The following EYS variants were observed in gnomAD, a reference collection of about 807,000 sequenced individuals.
The protein encoded by EYS is EGF-like photoreceptor maintenance factor, also known as protein eyes shut homolog.
In EYS, 250 loss-of-function variants were observed where a neutral mutation model predicts 282.1. The ratio of observed to expected loss-of-function variants is 0.89; its 90% CI spans 0.80 to 0.98. The LOEUF is 0.98. EYS is among the 50% of genes least tolerant of loss of function. The pLI is 0.00. For missense variants in EYS, 4,016 were observed against 3,709.0 expected, an observed-to-expected ratio of 1.08 and a Z score of -2.15; for synonymous variants, 1,355 against 1,282.9, an observed-to-expected ratio of 1.06 and a Z score of -1.20.
chr6:63,902,883 G>C (rs1016025775), intron 35 of EYS, among the ~76,000 whole-genome samples: 1 of 152,158 alleles, frequency 6.6e-6, no homozygotes, highest in Non-Finnish European at 1.5e-5. Context: ...ATGGAGGTTT[G>C]TTGGAAGTTC....
At chr6:63,920,979 G>T (rs1368216459) in intron 35 of EYS, among the ~76,000 whole-genome samples, 1 of 151,638 alleles carries the variant, frequency 6.6e-6, no homozygotes, top group Non-Finnish European at 1.5e-5. Flanking sequence ...TGCAAGTTCC[G>T]CCTCCCGGGT....
chr6:64,936,217 C>A (rs1768900817), intron 15 of EYS, among the ~76,000 whole-genome samples: 1 of 151,372 alleles, frequency 6.6e-6, no homozygotes, highest in African/African-American at 2.4e-5. Context: ...TCATTGACAG[C>A]ATTTGAAAAC....
At chr6:64,587,709 A>G (rs1200447295) in intron 26 of EYS, among the ~76,000 whole-genome samples, 3 of 152,012 alleles carry the variant, frequency 2.0e-5, no homozygotes, top group African/African-American at 4.8e-5. Context: ...CTGGAACCCA[A>G]TCTTTCATGG....
intron 15 of EYS, among the ~76,000 whole-genome samples, chr6:64,918,747 C>T (rs1768241652): frequency 6.6e-6 from 1 of 152,152 alleles, no homozygotes; most frequent in Admixed American, 6.5e-5. Flanking sequence ...ATGATGCCAT[C>T]AGGTAGGAGA....
chr6:64,035,779 G>A (rs540877574), intron 33 of EYS, among the ~76,000 whole-genome samples: 1 of 152,130 alleles, frequency 6.6e-6, no homozygotes, highest in Admixed American at 6.5e-5. Context: ...TCACTGCAGT[G>A]CTTTAAAAAT....
rs73768232 is a variant in EYS, at chr6:64,716,257, T to A, written c.3444-90012A>T. ...AAAGCAGTCAAGTCATGGTAGCCGC[T>A]CCATCCATCCATATATTCAGCACAA... On this transcript the variant is annotated intron_variant, in intron 22 of 42. Coordinates refer to ENST00000503581, the MANE Select transcript of EYS (RefSeq NM_001142800.2). 9.5e-3 allele frequency among the ~76,000 whole-genome samples: 1,446 copies of A among 152,304 alleles called. 18 individuals are homozygous for A. Among genetic ancestry groups the A allele is most frequent in the African/African-American group, 0.033 (1,368 of 41,566 alleles).
rs1768188407 is a variant in EYS, at chr6:65,542,094, A to G, written c.-332-46101T>C. ...TGACTGCACACTTTGCAAATATTTAACTTCATTTATTCTAAATATACAGAT... is the reference window on the plus strand; with the variant it reads ...TGACTGCACACTTTGCAAATATTTAGCTTCATTTATTCTAAATATACAGAT... On this transcript the variant is annotated intron_variant, in intron 2 of 42. Coordinates refer to ENST00000503581, the MANE Select transcript of EYS (RefSeq NM_001142800.2). Among the ~76,000 whole-genome samples, 3 of 152,166 alleles carry G rather than the reference A, an allele frequency of 2.0e-5. No homozygotes were observed. The South Asian group carries it at 6.2e-4, about 32-fold the overall frequency.
chr6:65,371,025 A>G lies in EYS; in HGVS notation c.1299+13361T>C, dbSNP rs139611365. Among the ~76,000 whole-genome samples the G allele has an allele frequency of 4.5e-3, 687 of 151,864 alleles. 7 individuals are homozygous for G. Among genetic ancestry groups the G allele is most frequent in the South Asian group, 0.01 (50 of 4,820 alleles). On this transcript the variant is annotated intron_variant, in intron 8 of 42. Coordinates refer to ENST00000503581, the MANE Select transcript of EYS (RefSeq NM_001142800.2). ...GAAAAAAAAAACACAGAAAGTGGAG[A>G]TGACACATATGGGCTGGATGAGAGT...
At position 65,384,415 on chromosome 6, in the gene EYS, A is replaced by G; in HGVS notation, c.1270T>C (p.Trp424Arg). ...AATCTTCCAATTATATTGAAACACC[A>G]TTCTTCATTCAGACAGTTGATGCTG... ...LLSINCLNEE[W>R]CFNIIGRFKY... The change falls in exon 8 of 43, where the codon TGG (tryptophan) becomes CGG (arginine). Residue 424 changes from tryptophan (W) to arginine (R), a missense_variant. Physicochemically the swap from Trp to Arg is moderately radical, Grantham distance 101 (BLOSUM62 -3). Transcript: ENST00000503581. 1 of 1,607,368 alleles carries G rather than the reference A, an allele frequency of 6.2e-7. No homozygotes were observed. The highest frequency in any genetic ancestry group is 8.5e-7 in the Non-Finnish European group (1 of 1,175,752).
At chr6:63,974,156 C>A (rs1766719994) in intron 35 of EYS, among the ~76,000 whole-genome samples, 2 of 152,060 alleles carry the variant, frequency 1.3e-5, no homozygotes, top group South Asian at 4.1e-4. Flanking sequence ...GCTTTTCACA[C>A]AATTTTAACA....
intron 24 of EYS, among the ~76,000 whole-genome samples, chr6:64,617,203 G>T (rs980261750): frequency 6.6e-6 from 1 of 151,962 alleles, no homozygotes; most frequent in Non-Finnish European, 1.5e-5. Flanking sequence ...TTATCAGAAT[G>T]TTTTTCTTCT....
intron 12 of EYS, among the ~76,000 whole-genome samples, chr6:65,157,119 C>T (rs1488774349): frequency 2.0e-5 from 3 of 150,826 alleles, no homozygotes; most frequent in East Asian, 2.0e-4. Context: ...ATTAGAGTGT[C>T]GATTTCTTAG....
At chr6:64,999,326 C>G (rs1019927387) in intron 13 of EYS, among the ~76,000 whole-genome samples, 48 of 152,168 alleles carry the variant, frequency 3.2e-4, no homozygotes, top group African/African-American at 1.1e-3. Flanking sequence ...AACCAATAAC[C>G]ATTTCACAGG....
At chr6:65,473,365 A>G (rs1765285829) in intron 5 of EYS, among the ~76,000 whole-genome samples, 1 of 151,970 alleles carries the variant, frequency 6.6e-6, no homozygotes, top group African/African-American at 2.4e-5. Context: ...TTGAAAAAGA[A>G]GCAATAGAAT....
intron 13 of EYS, among the ~76,000 whole-genome samples, chr6:64,999,734 A>T (rs988319598): frequency 6.6e-6 from 1 of 152,184 alleles, no homozygotes; most frequent in African/African-American, 2.4e-5. Context: ...AGAGGAACAC[A>T]CAGGTGGCTG....
intron 22 of EYS, among the ~76,000 whole-genome samples, chr6:64,739,823 T>C (rs1772307527): frequency 6.6e-6 from 1 of 152,156 alleles, no homozygotes; most frequent in African/African-American, 2.4e-5. Context: ...ATAACCCTAT[T>C]AGGGTTCCTT....
intron 5 of EYS, among the ~76,000 whole-genome samples, chr6:65,432,380 C>T (rs889560920): frequency 3.9e-5 from 6 of 151,966 alleles, no homozygotes; most frequent in Non-Finnish European, 7.4e-5. Context: ...TAGGTACATA[C>T]GTACACACAA....
At chr6:65,694,468 T>G (rs180960102) in intron 1 of EYS, among the ~76,000 whole-genome samples, 1 of 149,874 alleles carries the variant, frequency 6.7e-6, no homozygotes, top group African/African-American at 2.4e-5. Flanking sequence ...TTCAGGTATA[T>G]TTTTAAAAAG....
At chr6:65,139,568 G>A (rs898668124) in intron 12 of EYS, among the ~76,000 whole-genome samples, 6 of 151,962 alleles carry the variant, frequency 3.9e-5, no homozygotes, top group South Asian at 2.1e-4. Context: ...ACCTGCCCAC[G>A]TAGCCCTGAA....
Sources: gnomAD v4.1 joint callset for allele counts (sites outside exome capture counted in the v4.1 genomes callset) on GRCh38, gnomAD v4.1.1 for gene constraint, MANE v1.5 for transcripts, NCBI Gene and HGNC (gene_info 2026-07-23, HGNC 2026-07-21) for gene names.